ATP6V0A4: variants seen among roughly 807,000 people sequenced by gnomAD.
ATP6V0A4 encodes the protein ATPase H+ transporting V0 subunit a4, also known as V-type proton ATPase 116 kDa subunit a 4.
In ATP6V0A4, 86 loss-of-function variants were observed where a neutral mutation model predicts 107.3. That is an observed-to-expected ratio of 0.80 (90% confidence interval 0.67 to 0.96). The LOEUF (loss-of-function observed/expected upper bound fraction) is 0.96. ATP6V0A4 is among the 40% of genes least tolerant of loss of function. The probability of loss-of-function intolerance (pLI) is 0.00; values close to 1 mark genes in which losing one functional copy is unlikely to be tolerated. For synonymous variants in ATP6V0A4, 353 were observed against 381.4 expected (o/e 0.93, Z 0.87); for missense variants, 908 against 1,045.6 (o/e 0.87, Z 1.81).
At chr7:138,745,962 A>ATATATATATATATAT (rs1195420210) in intron 13 of ATP6V0A4, among the ~76,000 whole-genome samples, 2 of 65,648 alleles carry the variant, frequency 3.0e-5, no homozygotes, top group African/African-American at 1.3e-4. Context: ...AAAAAAAAAA[A>ATATATATATATATAT]ATATATATAT....
At chr7:138,717,909 G>GACA (rs1804133272) in intron 19 of ATP6V0A4, among the ~76,000 whole-genome samples, 1 of 70,934 alleles carries the variant, frequency 1.4e-5, no homozygotes, top group South Asian at 7.0e-4. Context: ...CTCTGTCTCG[G>GACA]AAAAAAAAAA....
At chr7:138,781,836 TCTCTC>T (rs1484527323) in intron 2 of ATP6V0A4, among the ~76,000 whole-genome samples, 1 of 64,662 alleles carries the variant, frequency 1.5e-5, no homozygotes, top group African/African-American at 7.4e-5. Flanking sequence ...TCTCTGTCTC[TCTCTC>T]TCTTTTTTTT....
chr7:138,707,114 T>C (rs145639917), intron 21 of ATP6V0A4, among the ~76,000 whole-genome samples: 2,527 of 70,228 alleles, frequency 0.036, 69 homozygotes, highest in South Asian at 0.13. Context: ...ATATATATTA[T>C]TATATATAAT....
intron 15 of ATP6V0A4, 148 bp from the exon 16 acceptor site, chr7:138,734,402 AGTCC>A: frequency 2.3e-6 from 3 of 1,321,252 alleles, no homozygotes; most frequent in Admixed American, 3.8e-5. Flanking sequence ...TACATTTTAG[AGTCC>A]AAAAAGGAAA....
Position 138,709,623 on chromosome 7 carries a change from C to A in ATP6V0A4, c.2429+1G>T. 1 of 1,612,250 alleles carries A rather than the reference C, an allele frequency of 6.2e-7. No homozygotes were observed. Among genetic ancestry groups the A allele is most frequent in the Non-Finnish European group, 8.5e-7 (1 of 1,178,928 alleles). On this transcript the variant is annotated splice_donor_variant, in intron 21 of 21. Coordinates refer to ENST00000310018, the MANE Select transcript of ATP6V0A4 (RefSeq NM_020632.3). LOFTEE classifies it high-confidence loss of function. ...AGCTTCCAGGGGACAACCATCCTTA[C>A]CAGTGCAGTCGCAGGGCGTGCAGGA...
At position 138,706,386 on chromosome 7, in the gene ATP6V0A4, T is replaced by G. The variant is rs1037296429; in HGVS notation, c.*238A>C. 7.5e-6 allele frequency: 4 copies of G among 533,626 alleles called. No individual in the cohort carries two copies. In the East Asian group the frequency reaches 9.9e-5, roughly 13 times the overall value. 33.1% of individuals were successfully genotyped at this position (533,626 alleles called of 1,614,324 possible). A position where few individuals can be genotyped will look rare whatever the true frequency, so the allele number is the denominator to read the frequency against. On this transcript the variant is annotated 3_prime_UTR_variant, in exon 22 of 22. Coordinates refer to ENST00000310018, the MANE Select transcript of ATP6V0A4 (RefSeq NM_020632.3). Reference sequence around the variant, plus strand: ...CATTCTCCCCTCATTTGTCAATTACTTTATTATTTGAGAATTAATACCCCA... The same window carrying G: ...CATTCTCCCCTCATTTGTCAATTACGTTATTATTTGAGAATTAATACCCCA...
chr7:138,778,898 G>A (rs1807796469), intron 2 of ATP6V0A4, among the ~76,000 whole-genome samples: 1 of 152,150 alleles, frequency 6.6e-6, no homozygotes, highest in African/African-American at 2.4e-5. Flanking sequence ...CCCGATCATT[G>A]ATGGTGAAGA....
intron 10 of ATP6V0A4, 33 bp downstream of exon 10, chr7:138,755,656 C>T (rs759668237): frequency 1.9e-6 from 3 of 1,612,342 alleles, no homozygotes; most frequent in South Asian, 1.1e-5. Context: ...CCTGCAGCTG[C>T]CATCAGACCA....
intron 1 of ATP6V0A4, among the ~76,000 whole-genome samples, chr7:138,789,216 TGG>T (rs67380274): frequency 2.7e-4 from 40 of 145,738 alleles, no homozygotes; most frequent in East Asian, 3.9e-4. Flanking sequence ...TAAGGTTTTT[TGG>T]GGGGTTTTTT....
intron 14 of ATP6V0A4, among the ~76,000 whole-genome samples, chr7:138,741,499 G>A (rs192523207): frequency 8.9e-4 from 136 of 152,268 alleles, no homozygotes; most frequent in African/African-American, 3.1e-3. Context: ...CGTGTCTCCT[G>A]CTGAGCATAA....
chr7:138,776,340 G>C (rs1315503823), intron 2 of ATP6V0A4, among the ~76,000 whole-genome samples: 1 of 152,186 alleles, frequency 6.6e-6, no homozygotes, highest in Non-Finnish European at 1.5e-5. Context: ...TGGAGGAAAG[G>C]AGTTGCTTGC....
At chr7:138,741,853 C>T (rs1805649702) in intron 14 of ATP6V0A4, among the ~76,000 whole-genome samples, 1 of 152,232 alleles carries the variant, frequency 6.6e-6, no homozygotes, top group South Asian at 2.1e-4. Flanking sequence ...AATCAGCTCA[C>T]TGTGTACTTC....
At chr7:138,733,183 T>C (rs1805115594) in intron 16 of ATP6V0A4, 90 bp from the exon 17 acceptor site, 1 of 1,567,606 alleles carries the variant, frequency 6.4e-7, no homozygotes, top group South Asian at 1.2e-5. Context: ...AAGCACAAAA[T>C]GTTCTATCTT....
rs71169047 is a variant in ATP6V0A4, at chr7:138,718,043, A to AATCGGGG, written c.2140-2163_2140-2162insCCCCGAT. 3.6e-5 allele frequency among the ~76,000 whole-genome samples: 3 copies of AATCGGGG among 84,290 alleles called. 1 individual carries two copies. Among genetic ancestry groups the AATCGGGG allele is most frequent in the Non-Finnish European group, 5.0e-5 (2 of 39,810 alleles). The allele number at this position is 84,290 out of a possible 152,430, so 55.3% of individuals were successfully genotyped here. A position where few individuals can be genotyped will look rare whatever the true frequency, so the allele number is the denominator to read the frequency against. ...CTGCGGAGGGAGACGTCCAGGAAGG[A>AATCGGGG]GTGGGGGGGTACAGTCACGGGTGTC... On this transcript the variant is annotated intron_variant, in intron 19 of 21. Coordinates refer to ENST00000310018, the MANE Select transcript of ATP6V0A4 (RefSeq NM_020632.3).
At chr7:138,779,710 G>A (rs1807834532) in intron 2 of ATP6V0A4, among the ~76,000 whole-genome samples, 3 of 152,126 alleles carry the variant, frequency 2.0e-5, no homozygotes, top group South Asian at 4.1e-4. Context: ...CTTGAGTGGT[G>A]TATACTCTTC....
chr7:138,718,061 C>T (rs1392925906), intron 19 of ATP6V0A4, among the ~76,000 whole-genome samples: 1 of 94,874 alleles, frequency 1.1e-5, no homozygotes, highest in African/African-American at 4.2e-5. Context: ...GGTACAGTCA[C>T]GGGTGTCTGT....
At chr7:138,769,136 T>C in intron 4 of ATP6V0A4, 37 bp downstream of exon 4, 1 of 1,553,976 alleles carries the variant, frequency 6.4e-7, no homozygotes, top group South Asian at 1.1e-5. Flanking sequence ...CAGTTCACAT[T>C]TGAACAGTAA....
intron 3 of ATP6V0A4, among the ~76,000 whole-genome samples, chr7:138,769,744 C>T (rs1377756501): frequency 2.0e-5 from 3 of 152,100 alleles, no homozygotes; most frequent in Non-Finnish European, 4.4e-5. Flanking sequence ...TACATTCAAT[C>T]CCCCAAATGC....
intron 1 of ATP6V0A4, among the ~76,000 whole-genome samples, chr7:138,797,247 C>A (rs1269777311): frequency 9.6e-5 from 14 of 146,490 alleles, no homozygotes; most frequent in Non-Finnish European, 4.5e-5. Flanking sequence ...TGGAGTCTCC[C>A]TCTGTCGGCC....
Sources: gnomAD v4.1 joint callset for allele counts (sites outside exome capture counted in the v4.1 genomes callset) on GRCh38, gnomAD v4.1.1 for gene constraint, MANE v1.5 for transcripts, NCBI Gene and HGNC (gene_info 2026-07-23, HGNC 2026-07-21) for gene names.